The following ZEB1 variants were observed in gnomAD, a reference collection of about 807,000 sequenced individuals.
ZEB1 encodes zinc finger E-box-binding homeobox 1.
A neutral mutation model predicts 84.9 loss-of-function variants in ZEB1; 21 were observed. That is an observed-to-expected ratio of 0.25 (90% CI 0.18 to 0.36). The LOEUF is 0.36. Among genes scored for constraint, ZEB1 ranks in the 10% least tolerant of loss-of-function variants. ZEB1 has a pLI of 1.00. For missense variants in ZEB1, 1,104 were observed against 1,330.2 expected, an observed-to-expected ratio of 0.83 and a Z score of 2.65; for synonymous variants, 420 against 471.1, an observed-to-expected ratio of 0.89 and a Z score of 1.41.
At chr10:31,327,188 G>A (rs1444845437) in intron 1 of ZEB1, among the ~76,000 whole-genome samples, 3 of 137,752 alleles carry the variant, frequency 2.2e-5, no homozygotes, top group Admixed American at 8.2e-5. Flanking sequence ...TCAGCTCACT[G>A]CAACCTCTGT....
chr10:31,516,462 G>A (rs1449888641), intron 6 of ZEB1, among the ~76,000 whole-genome samples: 1 of 138,214 alleles, frequency 7.2e-6, no homozygotes, highest in Non-Finnish European at 1.5e-5. Context: ...ACATATGCTG[G>A]AAGTGGACCA....
At chr10:31,398,429 A>C (rs1286813724) in intron 1 of ZEB1, among the ~76,000 whole-genome samples, 1 of 152,050 alleles carries the variant, frequency 6.6e-6, no homozygotes. Context: ...AGTCTCAAAA[A>C]ATTGGGGCAA....
chr10:31,439,428 A>G (rs2136451594), intron 1 of ZEB1, among the ~76,000 whole-genome samples: 1 of 152,256 alleles, frequency 6.6e-6, no homozygotes, highest in Admixed American at 6.5e-5. Flanking sequence ...GTACTCTTTT[A>G]TTTAAACCTT....
At chr10:31,499,117 A>C (rs1267018176) in intron 3 of ZEB1, among the ~76,000 whole-genome samples, 2 of 152,152 alleles carry the variant, frequency 1.3e-5, no homozygotes, top group African/African-American at 4.8e-5. Context: ...GAAAACAAAA[A>C]TTTAAAGCCA....
At chr10:31,382,985 C>T (rs1466001207) in intron 1 of ZEB1, among the ~76,000 whole-genome samples, 16 of 151,700 alleles carry the variant, frequency 1.1e-4, no homozygotes, top group Admixed American at 9.8e-4. Context: ...GTAAGCAGTG[C>T]TAACAGACCC....
At chr10:31,458,360 G>T (rs1005269851) in intron 1 of ZEB1, among the ~76,000 whole-genome samples, 18 of 149,702 alleles carry the variant, frequency 1.2e-4, no homozygotes, top group Admixed American at 1.0e-3. Flanking sequence ...GTGTGTGTGT[G>T]TGTGTATTTG....
At chr10:31,450,838 A>G (rs2060472848) in intron 1 of ZEB1, among the ~76,000 whole-genome samples, 1 of 151,806 alleles carries the variant, frequency 6.6e-6, no homozygotes, top group Admixed American at 6.6e-5. Flanking sequence ...TTAATATTTT[A>G]TTTAGGACCA....
chr10:31,383,464 C>T (rs1467796589), intron 1 of ZEB1, among the ~76,000 whole-genome samples: 4 of 151,986 alleles, frequency 2.6e-5, no homozygotes, highest in African/African-American at 9.7e-5. Flanking sequence ...CAAGTATGTA[C>T]ATAACTAAAT....
At chr10:31,401,135 A>G (rs1278569304) in intron 1 of ZEB1, among the ~76,000 whole-genome samples, 2 of 152,318 alleles carry the variant, frequency 1.3e-5, no homozygotes, top group East Asian at 1.9e-4. Context: ...CTAATTACCC[A>G]GAATTAGATT....
At chr10:31,379,985 C>G (rs1424139411) in intron 1 of ZEB1, among the ~76,000 whole-genome samples, 1 of 152,176 alleles carries the variant, frequency 6.6e-6, no homozygotes, top group Non-Finnish European at 1.5e-5. Flanking sequence ...ACAATAACTA[C>G]TAACCACCTC....
chr10:31,372,893 C>T, intron 1 of ZEB1: 1 of 582,432 alleles, frequency 1.7e-6, no homozygotes, highest in Middle Eastern at 8.7e-4. Flanking sequence ...CATGTCTTCT[C>T]AAATATAATA....
At chr10:31,500,300 C>G (rs970945652) in intron 3 of ZEB1, among the ~76,000 whole-genome samples, 1 of 152,006 alleles carries the variant, frequency 6.6e-6, no homozygotes, top group Non-Finnish European at 1.5e-5. Context: ...TTTGTTCTAC[C>G]TAATGACAAA....
chr10:31,488,253 A>T (rs1445864116), intron 2 of ZEB1, among the ~76,000 whole-genome samples: 1 of 151,270 alleles, frequency 6.6e-6, no homozygotes. Flanking sequence ...AAAAATATTT[A>T]CAGGAATATT....
chr10:31,319,818 C>T (rs2033276115), intron 1 of ZEB1: 2 of 149,644 alleles, frequency 1.3e-5, no homozygotes, highest in African/African-American at 2.4e-5. Flanking sequence ...CTTCCGCGCG[C>T]CGCGGCCCCG....
At chr10:31,460,963 T>G in intron 1 of ZEB1, 74 bp from the exon 2 acceptor site, 2 of 1,195,966 alleles carry the variant, frequency 1.7e-6, no homozygotes, top group Non-Finnish European at 2.4e-6. Flanking sequence ...AGCATCTTTT[T>G]TATTTTTCTG....
At chr10:31,377,196 T>C (rs979314930) in intron 1 of ZEB1, among the ~76,000 whole-genome samples, 1 of 151,430 alleles carries the variant, frequency 6.6e-6, no homozygotes, top group Non-Finnish European at 1.5e-5. Context: ...CACAATTAGT[T>C]CTAATGTAAC....
chr10:31,387,730 T>A lies in ZEB1; in HGVS notation c.58+68438T>A, dbSNP rs1465333425. 8 of 984,732 alleles carry A rather than the reference T, an allele frequency of 8.1e-6. No individual in the cohort carries two copies. The East Asian group carries it at 9.1e-4, about 112-fold the overall frequency. 61.0% of individuals were successfully genotyped at this position (984,732 alleles called of 1,614,324 possible). On this transcript the variant is annotated intron_variant, in intron 1 of 8. Transcript: ENST00000424869. ...TTATCTTTACTTCAGGGAAAGCCCC[T>A]CAAACCATTTTGTATTCTGTATTAC...
chr10:31,383,359 C>G (rs1590652537), intron 1 of ZEB1, among the ~76,000 whole-genome samples: 1 of 151,752 alleles, frequency 6.6e-6, no homozygotes, highest in African/African-American at 2.4e-5. Context: ...ATAAATGGGG[C>G]TAGTGGCCAC....
In ZEB1 at chr10:31,526,823, C is replaced by T. The variant is rs546074346; in HGVS notation, c.2937C>T (p.His979=). 9 of 1,614,160 alleles carry T rather than the reference C, an allele frequency of 5.6e-6. No individual in the cohort carries two copies. The African/African-American group carries it at 6.7e-5, about 12-fold the overall frequency. ...CACACTCTGGGTCTTATTCTCAACA[C>T]ATGAATCATCGCTACTCCTACTGTA... ...RFSHSGSYSQ[H]MNHRYSYCKR... The change falls in exon 9 of 9, where the codon CAC becomes CAT. Residue 979 remains histidine (H), a synonymous_variant. Coordinates refer to ENST00000424869, the MANE Select transcript of ZEB1 (RefSeq NM_001174096.2).
Sources: allele counts gnomAD v4.1 joint callset (sites outside exome capture counted in the v4.1 genomes callset), GRCh38; gene constraint gnomAD v4.1.1; transcripts MANE v1.5; gene names NCBI Gene and HGNC (gene_info 2026-07-23, HGNC 2026-07-21).